NUP205: variants seen among roughly 807,000 people sequenced by gnomAD.
NUP205 encodes the protein nuclear pore complex protein Nup205.
In NUP205, 76 loss-of-function variants were observed where a neutral mutation model predicts 253.8. The ratio of observed to expected loss-of-function variants is 0.30; its 90% CI spans 0.25 to 0.36. The LOEUF (loss-of-function observed/expected upper bound fraction) is 0.36. Ranked by LOEUF, NUP205 falls within the 10% of genes least tolerant of loss-of-function variation. NUP205 has a pLI of 1.00. For synonymous variants in NUP205, 832 were observed against 850.1 expected (o/e 0.98, Z 0.37); for missense variants, 2,162 against 2,425.5 (o/e 0.89, Z 2.28).
At chr7:135,573,318 A>G (rs1806053663) in intron 2 of NUP205, among the ~76,000 whole-genome samples, 1 of 152,178 alleles carries the variant, frequency 6.6e-6, no homozygotes, top group Non-Finnish European at 1.5e-5. Flanking sequence ...TCCATTTGTT[A>G]TGTACCATTT....
intron 38 of NUP205, 94 bp downstream of exon 38, chr7:135,638,777 C>CT (rs1196504567): frequency 2.4e-6 from 3 of 1,257,712 alleles, no homozygotes; most frequent in South Asian, 2.5e-5. Flanking sequence ...GCAGTATTTT[C>CT]TTTTAAGTGT....
chr7:135,584,731 TG>T, intron 7 of NUP205, 100 bp from the exon 8 acceptor site: 1 of 1,010,036 alleles, frequency 9.9e-7, no homozygotes, highest in Non-Finnish European at 1.5e-6. Flanking sequence ...GCTAGAAGGC[TG>T]GGAAGATGTC....
In NUP205 at chr7:135,631,762, T is replaced by TG. The variant is rs1794718420; in HGVS notation, c.5059+1292_5059+1293insG. Among the ~76,000 whole-genome samples the TG allele has an allele frequency of 2.6e-5, 4 of 151,542 alleles. No homozygotes were observed. In the East Asian group the frequency reaches 7.8e-4, roughly 29 times the overall value. ...TTTCTTTCTTTCTTTCTTTCTTTTT[T>TG]TTTTTGAGACGGAGTCTTGCTCTGT... is the stretch of plus-strand genomic sequence containing the variant. On this transcript the variant is annotated intron_variant, in intron 35 of 42. Transcript: ENST00000285968.
In NUP205 at chr7:135,591,573, C is replaced by T; in HGVS notation, c.1597C>T (p.Leu533=). The T allele has an allele frequency of 6.2e-7, 1 of 1,613,440 alleles. No homozygotes were observed. The highest frequency in any genetic ancestry group is 1.7e-5 in the Admixed American group (1 of 59,716). The change falls in exon 11 of 43, where the codon CTG becomes TTG. Residue 533 remains leucine (L), a synonymous_variant. Coordinates refer to ENST00000285968, the MANE Select transcript of NUP205 (RefSeq NM_015135.3). The stretch of plus-strand genomic sequence containing the variant: ...TCAGTGTGCCCACTACTGTTTCAGC[C>T]TGCTCAAAGTCAATGGTAGTAGTCA... ...GPQCAHYCFS[L]LKVNGSSHVE...
chr7:135,561,251 G>A (rs1190598272), intron 1 of NUP205, among the ~76,000 whole-genome samples: 2 of 152,132 alleles, frequency 1.3e-5, no homozygotes, highest in South Asian at 2.1e-4. Context: ...GGCTGAGGCA[G>A]GAGAATTGCT....
At chr7:135,570,869 A>T (rs1337893878) in intron 1 of NUP205, among the ~76,000 whole-genome samples, 8 of 116,898 alleles carry the variant, frequency 6.8e-5, no homozygotes, top group East Asian at 4.2e-4. Flanking sequence ...TATAAATATA[A>T]AATATATGTA....
At chr7:135,595,194 C>T (rs1793795734) in intron 13 of NUP205, among the ~76,000 whole-genome samples, 1 of 151,386 alleles carries the variant, frequency 6.6e-6, no homozygotes, top group Non-Finnish European at 1.5e-5. Flanking sequence ...AAGGGCAGGT[C>T]TAACTGTTTG....
At position 135,619,430 on chromosome 7, in the gene NUP205, A is replaced by T. The variant is rs1794427318; in HGVS notation, c.3971A>T (p.Asp1324Val). 1 of 1,612,388 alleles carries T rather than the reference A, an allele frequency of 6.2e-7. No individual in the cohort carries two copies. The highest frequency in any genetic ancestry group is 1.1e-5 in the South Asian group (1 of 90,988). The change falls in exon 29 of 43, where the codon GAT becomes GTT. Residue 1324 changes from aspartate to valine, a missense_variant. Coordinates refer to ENST00000285968, the MANE Select transcript of NUP205 (RefSeq NM_015135.3). ...TTGCCCTTGTCCTTTAAGATACTGG[A>T]TGATGAAGCTGCGCAAGAGTTAATG... The part of the protein sequence containing the change: ...ILQDVHDKIL[D>V]DEAAQELMPV...
chr7:135,628,116 G>A lies in NUP205; in HGVS notation c.4932+5G>A, dbSNP rs746321197. 4 of 1,606,078 alleles carry A rather than the reference G, an allele frequency of 2.5e-6. No homozygotes were observed. In the South Asian group the frequency reaches 3.3e-5, roughly 13 times the overall value. ...CACTTGCAGGCAGCAGGGCAGGTAA[G>A]GTGAACCCTTTGTTTAGATATTGTC... On this transcript the variant is annotated splice_donor_5th_base_variant and intron_variant, in intron 34 of 42. Transcript: ENST00000285968.
intron 7 of NUP205, among the ~76,000 whole-genome samples, chr7:135,579,659 T>C (rs1296830051): frequency 6.6e-6 from 1 of 152,080 alleles, no homozygotes; most frequent in Non-Finnish European, 1.5e-5. Flanking sequence ...AGAACAGATG[T>C]GGAATCCCGA....
chr7:135,574,258 C>A (rs1435329059), intron 3 of NUP205, among the ~76,000 whole-genome samples: 1 of 152,046 alleles, frequency 6.6e-6, no homozygotes, highest in Admixed American at 6.6e-5. Flanking sequence ...GGTAAGGTCA[C>A]CACTTTTTTG....
chr7:135,598,247 A>G (rs73725163), intron 15 of NUP205, 40 bp downstream of exon 15: 55,400 of 1,537,366 alleles, frequency 0.036, 1,145 homozygotes, highest in Middle Eastern at 0.077. Context: ...TTATGCATTT[A>G]CTGCTTTTTC....
chr7:135,579,349 C>A (rs1806243385), intron 7 of NUP205, among the ~76,000 whole-genome samples: 1 of 151,908 alleles, frequency 6.6e-6, no homozygotes, highest in Non-Finnish European at 1.5e-5. Context: ...CATGCGCCAC[C>A]ACACCTGGCT....
chr7:135,627,790 T>TTC (rs1247928342), intron 33 of NUP205, among the ~76,000 whole-genome samples, 183 bp from the exon 34 acceptor site: 3 of 152,300 alleles, frequency 2.0e-5, no homozygotes, highest in South Asian at 4.1e-4. Context: ...CTAACTAAGC[T>TTC]ATGAGTTTAG....
chr7:135,570,477 A>T (rs2129489686), intron 1 of NUP205, among the ~76,000 whole-genome samples: 1 of 151,672 alleles, frequency 6.6e-6, no homozygotes, highest in South Asian at 2.1e-4. Context: ...GGCCTCCCAG[A>T]GTGCTGGGAT....
At chr7:135,630,022 A>G (rs984147839) in intron 34 of NUP205, among the ~76,000 whole-genome samples, 7 of 152,196 alleles carry the variant, frequency 4.6e-5, no homozygotes, top group African/African-American at 1.7e-4. Context: ...GGGTCAGATA[A>G]TAGTTTTCAT....
chr7:135,569,807 A>G (rs959909673), intron 1 of NUP205, among the ~76,000 whole-genome samples: 4 of 152,040 alleles, frequency 2.6e-5, no homozygotes, highest in African/African-American at 9.7e-5. Context: ...GTTTTATAAT[A>G]GCCAGTGTCT....
At chr7:135,578,961 C>G (rs73725144) in intron 7 of NUP205, 46 bp downstream of exon 7, 53,953 of 1,454,862 alleles carry the variant, frequency 0.037, 1,129 homozygotes, top group Middle Eastern at 0.077. Context: ...AGCATGTTAG[C>G]ACTTAATGAC....
chr7:135,616,774 A>G, intron 25 of NUP205, 48 bp downstream of exon 25: 1 of 412,800 alleles, frequency 2.4e-6, no homozygotes, highest in Non-Finnish European at 3.8e-6. Flanking sequence ...GACATATATT[A>G]AAAAAAAAAA....
Sources: allele counts gnomAD v4.1 joint callset (sites outside exome capture counted in the v4.1 genomes callset), GRCh38; gene constraint gnomAD v4.1.1; transcripts MANE v1.5; gene names NCBI Gene and HGNC (gene_info 2026-07-23, HGNC 2026-07-21).